The following CSMD3 variants were observed in gnomAD, a reference collection of about 807,000 sequenced individuals.
CSMD3 encodes the protein CUB and sushi domain-containing protein 3.
In CSMD3, 177 loss-of-function variants were observed where a neutral mutation model predicts 435.2. The observed-to-expected ratio is 0.41, with a 90% CI of 0.36 to 0.46. The LOEUF is 0.46. Ranked by LOEUF, CSMD3 falls within the 20% of genes least tolerant of loss-of-function variation. The pLI, the probability that CSMD3 is intolerant of heterozygous loss-of-function variation, is 0.34. For missense variants in CSMD3, 4,265 were observed against 4,504.6 expected, an observed-to-expected ratio of 0.95 and a Z score of 1.52; for synonymous variants, 1,656 against 1,520.5, an observed-to-expected ratio of 1.09 and a Z score of -2.07.
At chr8:112,705,896 A>G (rs1220959104) in intron 13 of CSMD3, among the ~76,000 whole-genome samples, 1 of 152,094 alleles carries the variant, frequency 6.6e-6, no homozygotes, top group East Asian at 1.9e-4. Flanking sequence ...AAGATGAAAC[A>G]TGAAGTGATA....
At chr8:112,564,967 T>C (rs1490353020) in intron 24 of CSMD3, among the ~76,000 whole-genome samples, 1 of 152,092 alleles carries the variant, frequency 6.6e-6, no homozygotes, top group Non-Finnish European at 1.5e-5. Flanking sequence ...TAATTGTATG[T>C]AACATGTAAA....
rs1432937425 is a variant in CSMD3, at chr8:112,265,600, T to C, written c.9509-10A>G. ...TCTCCACAACTGATTACTGTCAGTA[T>C]TGGATTAGAAGAGCAGATGGTTAAT... On this transcript the variant is annotated splice_polypyrimidine_tract_variant and intron_variant, in intron 59 of 70. Transcript: ENST00000297405. 2 of 1,598,000 alleles carry C rather than the reference T, an allele frequency of 1.3e-6. No individual in the cohort carries two copies. The highest frequency in any genetic ancestry group is 3.3e-5 in the Admixed American group (2 of 59,952).
intron 23 of CSMD3, among the ~76,000 whole-genome samples, chr8:112,577,848 T>C (rs773332927): frequency 3.9e-5 from 6 of 152,210 alleles, no homozygotes; most frequent in South Asian, 2.1e-4. Context: ...AATATATAAA[T>C]AGAAGGCATA....
chr8:113,171,476 GT>G (rs1460603082), intron 4 of CSMD3, among the ~76,000 whole-genome samples: 3 of 152,010 alleles, frequency 2.0e-5, no homozygotes, highest in Non-Finnish European at 4.4e-5. Flanking sequence ...GTACTTCTTA[GT>G]TTTAAGTGTC....
intron 30 of CSMD3, among the ~76,000 whole-genome samples, chr8:112,494,556 TTTCTTTCTTTCTTTCTTTTC>T (rs1821128309): frequency 7.3e-6 from 1 of 136,472 alleles, no homozygotes. Flanking sequence ...TCTTTCTTTC[TTTCTTTCTTTCTTTCTTTTC>T]TTTCTTTCTC....
chr8:113,299,738 T>G (rs2093749875), intron 2 of CSMD3, among the ~76,000 whole-genome samples: 1 of 152,140 alleles, frequency 6.6e-6, no homozygotes, highest in Non-Finnish European at 1.5e-5. Flanking sequence ...CTCATGCCTG[T>G]AATCCTAGAA....
intron 3 of CSMD3, among the ~76,000 whole-genome samples, chr8:113,200,209 T>C (rs1403415682): frequency 3.3e-5 from 5 of 151,810 alleles, no homozygotes; most frequent in African/African-American, 9.7e-5. Context: ...TCTTTTTTTT[T>C]CCTGATTCAT....
intron 9 of CSMD3, among the ~76,000 whole-genome samples, chr8:112,936,246 C>A (rs2083277925): frequency 6.6e-6 from 1 of 151,970 alleles, no homozygotes; most frequent in Non-Finnish European, 1.5e-5. Context: ...ATTACTTGGA[C>A]ATCTCTTCTC....
intron 3 of CSMD3, among the ~76,000 whole-genome samples, chr8:113,247,136 T>A (rs2093284131): frequency 6.6e-6 from 1 of 152,214 alleles, no homozygotes; most frequent in African/African-American, 2.4e-5. Flanking sequence ...AGGAGCTGTC[T>A]TTTGACTAGT....
chr8:112,445,174 C>T (rs969874763), intron 32 of CSMD3, among the ~76,000 whole-genome samples: 3 of 151,982 alleles, frequency 2.0e-5, no homozygotes, highest in Admixed American at 2.0e-4. Context: ...ACCTGGGAGA[C>T]GGAGGTTGCA....
chr8:112,543,198 A>G (rs892470084), intron 27 of CSMD3, among the ~76,000 whole-genome samples: 4 of 149,266 alleles, frequency 2.7e-5, no homozygotes, highest in African/African-American at 9.9e-5. Context: ...GGTATTCACA[A>G]TGATTTCATG....
chr8:112,616,918 A>G (rs1833702260), intron 22 of CSMD3, among the ~76,000 whole-genome samples: 1 of 152,186 alleles, frequency 6.6e-6, no homozygotes. Flanking sequence ...GAAAATGTGT[A>G]AAGTCCTGTG....
At chr8:112,618,612 A>G (rs1833831068) in intron 22 of CSMD3, among the ~76,000 whole-genome samples, 1 of 152,058 alleles carries the variant, frequency 6.6e-6, no homozygotes, top group Non-Finnish European at 1.5e-5. Context: ...TCCAAAAGCA[A>G]CTGTTCAATC....
At chr8:112,694,682 A>G (rs956077697) in intron 13 of CSMD3, among the ~76,000 whole-genome samples, 4 of 152,070 alleles carry the variant, frequency 2.6e-5, no homozygotes, top group Non-Finnish European at 5.9e-5. Context: ...TGCAGTAGTG[A>G]TATGGTTAGG....
At chr8:112,753,774 G>C (rs778993075) in intron 13 of CSMD3, among the ~76,000 whole-genome samples, 3 of 152,184 alleles carry the variant, frequency 2.0e-5, no homozygotes, top group Non-Finnish European at 4.4e-5. Context: ...TAACAGCAAA[G>C]AGTTTGCTCA....
chr8:112,767,873 T>C (rs998258712), intron 13 of CSMD3, among the ~76,000 whole-genome samples: 8 of 151,848 alleles, frequency 5.3e-5, no homozygotes, highest in South Asian at 2.1e-4. Context: ...CTTGAGTTCA[T>C]TGAGCAAGCC....
intron 31 of CSMD3, among the ~76,000 whole-genome samples, chr8:112,480,638 G>A (rs1240302817): frequency 6.6e-6 from 1 of 151,950 alleles, no homozygotes; most frequent in Admixed American, 6.6e-5. Flanking sequence ...TCTCTCTCTT[G>A]CTTCCTCTCT....
intron 2 of CSMD3, among the ~76,000 whole-genome samples, chr8:113,294,334 C>T (rs2093704866): frequency 6.6e-6 from 1 of 152,116 alleles, no homozygotes; most frequent in African/African-American, 2.4e-5. Flanking sequence ...ATGAATCAAA[C>T]ATTCAACATA....
In CSMD3 at chr8:112,791,615, T is replaced by C. The variant is rs138125882; in HGVS notation, c.1972+8547A>G. Among the ~76,000 whole-genome samples the C allele has an allele frequency of 4.8e-3, 726 of 152,236 alleles. 11 individuals carry two copies. The highest frequency in any genetic ancestry group is 0.017 in the African/African-American group (701 of 41,548). ...TTCTATTGTGTAGACATCCCCAATTTTTGTTATATACTCACCTATAAATGG... is the reference window on the plus strand; with the variant it reads ...TTCTATTGTGTAGACATCCCCAATTCTTGTTATATACTCACCTATAAATGG... On this transcript the variant is annotated intron_variant, in intron 13 of 70. Transcript: ENST00000297405.
Sources: allele counts gnomAD v4.1 joint callset (sites outside exome capture counted in the v4.1 genomes callset), GRCh38; gene constraint gnomAD v4.1.1; transcripts MANE v1.5; gene names NCBI Gene and HGNC (gene_info 2026-07-23, HGNC 2026-07-21).